ADGB: variants seen among roughly 807,000 people sequenced by gnomAD.
ADGB encodes androglobin.
A neutral mutation model predicts 210.5 loss-of-function variants in ADGB; 172 were observed. The ratio of observed to expected loss-of-function variants is 0.82; its 90% CI spans 0.72 to 0.93. The LOEUF is 0.93. Ranked by LOEUF, ADGB falls within the 40% of genes least tolerant of loss-of-function variation. The pLI, the probability that ADGB is intolerant of heterozygous loss-of-function variation, is 0.00. For synonymous variants in ADGB, 658 were observed against 662.7 expected (o/e 0.99, Z 0.11); for missense variants, 2,025 against 1,964.8 (o/e 1.03, Z -0.58).
At chr6:146,778,465 G>C (rs951224299) in intron 29 of ADGB, among the ~76,000 whole-genome samples, 1 of 152,058 alleles carries the variant, frequency 6.6e-6, no homozygotes, top group Non-Finnish European at 1.5e-5. Context: ...TCTGAGAAAA[G>C]TTTATTTTAA....
Position 146,728,576 on chromosome 6 carries a change from G to A in ADGB, c.2355G>A (p.Glu785=), listed in dbSNP as rs1218400566. ...EHVVLPNFEP[E]SCRFTEQSLL... is the part of the protein sequence containing the mutation. ...GCTGCCATGCTTTGTCTTCACAGGA[G>A]AGCTGCCGATTTACGGAACAGTCTC... Residue 785 remains glutamate (E), a splice_region_variant and synonymous_variant, in exon 20 of 36, where the codon GAG becomes GAA. Transcript: ENST00000397944. 1 of 1,551,016 alleles carries A rather than the reference G, an allele frequency of 6.4e-7. No individual in the cohort carries two copies. Among genetic ancestry groups the A allele is most frequent in the Admixed American group, 2.0e-5 (1 of 50,998 alleles).
intron 1 of ADGB, among the ~76,000 whole-genome samples, chr6:146,627,072 A>C (rs1315023812): frequency 2.0e-5 from 3 of 151,758 alleles, no homozygotes; most frequent in Non-Finnish European, 4.4e-5. Context: ...AAGGTATTTG[A>C]ATCTTTTTTT....
chr6:146,730,766 C>G (rs533328355), intron 20 of ADGB, among the ~76,000 whole-genome samples: 1 of 152,108 alleles, frequency 6.6e-6, no homozygotes. Flanking sequence ...TGGTGAAACT[C>G]CATCTCTACT....
intron 35 of ADGB, among the ~76,000 whole-genome samples, chr6:146,805,294 C>G (rs916113242): frequency 6.6e-6 from 1 of 152,168 alleles, no homozygotes; most frequent in African/African-American, 2.4e-5. Context: ...AGGAACCCAC[C>G]TTGGTGACAC....
chr6:146,636,369 AT>A (rs1281423823), intron 2 of ADGB, among the ~76,000 whole-genome samples: 1 of 152,044 alleles, frequency 6.6e-6, no homozygotes, highest in Non-Finnish European at 1.5e-5. Context: ...CATGATTCAT[AT>A]TGGTCAATTT....
At chr6:146,735,603 G>A (rs1777068247) in intron 22 of ADGB, among the ~76,000 whole-genome samples, 1 of 152,024 alleles carries the variant, frequency 6.6e-6, no homozygotes. Flanking sequence ...ATAAAGTTAG[G>A]GAAATATATT....
chr6:146,694,753 T>C (rs2114926391), intron 12 of ADGB, among the ~76,000 whole-genome samples: 1 of 152,280 alleles, frequency 6.6e-6, no homozygotes, highest in South Asian at 2.1e-4. Flanking sequence ...ATTATTAGGT[T>C]TCTAGATGTG....
intron 29 of ADGB, among the ~76,000 whole-genome samples, chr6:146,770,033 G>A (rs541122610): frequency 6.6e-6 from 1 of 152,254 alleles, no homozygotes; most frequent in South Asian, 2.1e-4. Flanking sequence ...GCAAGCCCCT[G>A]AAGAATGAGG....
chr6:146,637,645 A>C (rs1299070240), intron 2 of ADGB, among the ~76,000 whole-genome samples: 1 of 152,034 alleles, frequency 6.6e-6, no homozygotes, highest in African/African-American at 2.4e-5. Context: ...CAAATCCTGA[A>C]ACCCAGTGTT....
At chr6:146,735,064 A>G (rs557045828) in intron 22 of ADGB, among the ~76,000 whole-genome samples, 1 of 152,296 alleles carries the variant, frequency 6.6e-6, no homozygotes, top group Non-Finnish European at 1.5e-5. Context: ...TATTTAAAAC[A>G]TTTAATGATA....
intron 14 of ADGB, among the ~76,000 whole-genome samples, chr6:146,716,491 G>A (rs1324327682): frequency 1.4e-5 from 2 of 141,480 alleles, no homozygotes; most frequent in Non-Finnish European, 3.0e-5. Flanking sequence ...TACTCGGGAG[G>A]CTGAGGCAGG....
At chr6:146,632,195 C>A (rs576444709) in intron 1 of ADGB, among the ~76,000 whole-genome samples, 1 of 152,282 alleles carries the variant, frequency 6.6e-6, no homozygotes, top group South Asian at 2.1e-4. Context: ...GGGCTGCCTT[C>A]CTTTCTGTAG....
chr6:146,785,660 T>C lies in ADGB; in HGVS notation c.4263T>C (p.Ser1421=), dbSNP rs1474555214. 5.8e-6 allele frequency: 9 copies of C among 1,551,292 alleles called. No individual in the cohort carries two copies. In the South Asian group the frequency reaches 9.5e-5, roughly 16 times the overall value. ...HYLSGFIKKT[S]DAESPPISES... Reference sequence around the variant, plus strand: ...TTAGCGGGTTCATTAAGAAAACATCTGATGCTGAGAGTCCGCCTATATCTG... The same window carrying C: ...TTAGCGGGTTCATTAAGAAAACATCCGATGCTGAGAGTCCGCCTATATCTG... The change falls in exon 32 of 36, where the codon TCT becomes TCC. Residue 1421 remains serine (S), a synonymous_variant. Transcript: ENST00000397944.
At chr6:146,624,399 T>C (rs965809949) in intron 1 of ADGB, among the ~76,000 whole-genome samples, 18 of 151,882 alleles carry the variant, frequency 1.2e-4, no homozygotes, top group Non-Finnish European at 2.7e-4. Flanking sequence ...CCCTTTGATA[T>C]CTGTGGGATC....
At chr6:146,687,777 TAAAG>T (rs1776253010) in intron 10 of ADGB, among the ~76,000 whole-genome samples, 1 of 151,542 alleles carries the variant, frequency 6.6e-6, no homozygotes, top group East Asian at 1.9e-4. Context: ...TTAGAAGAAA[TAAAG>T]AAAATAAAAA....
rs1776305595 is a variant in ADGB, at chr6:146,691,407, G to GT, written c.1486+120dup. 4.3e-4 allele frequency: 58 copies of GT among 134,550 alleles called. 5 individuals carry two copies. Among genetic ancestry groups the GT allele is most frequent in the African/African-American group, 3.7e-3 (50 of 13,554 alleles). The allele number at this position is 134,550 out of a possible 1,614,324, so 8.3% of individuals were successfully genotyped here. A position where few individuals can be genotyped will look rare whatever the true frequency, so the allele number is the denominator to read the frequency against. On this transcript the variant is annotated intron_variant, in intron 11 of 35. Coordinates refer to ENST00000397944, the MANE Select transcript of ADGB (RefSeq NM_024694.4). Reference sequence around the variant, plus strand: ...ACCCAACATTGCTTCTAAAGCCTATGTTTAATATATATATATATATATATA... The same window carrying GT: ...ACCCAACATTGCTTCTAAAGCCTATGTTTTAATATATATATATATATATATA...
intron 13 of ADGB, among the ~76,000 whole-genome samples, chr6:146,709,967 A>G (rs1776636762): frequency 6.6e-6 from 1 of 152,128 alleles, no homozygotes; most frequent in African/African-American, 2.4e-5. Flanking sequence ...GGGCAAATAC[A>G]GGAAAGTCTT....
At chr6:146,611,778 A>G (rs746417581) in intron 1 of ADGB, among the ~76,000 whole-genome samples, 2 of 152,052 alleles carry the variant, frequency 1.3e-5, no homozygotes, top group African/African-American at 2.4e-5. Flanking sequence ...CTAGTCAGCC[A>G]TCTTGGGAAT....
At chr6:146,781,296 T>C (rs1777796510) in intron 29 of ADGB, among the ~76,000 whole-genome samples, 1 of 151,078 alleles carries the variant, frequency 6.6e-6, no homozygotes, top group Non-Finnish European at 1.5e-5. Flanking sequence ...TGAGCCAAGA[T>C]TGTGCCACTG....
Sources: gnomAD v4.1 joint callset for allele counts (sites outside exome capture counted in the v4.1 genomes callset) on GRCh38, gnomAD v4.1.1 for gene constraint, MANE v1.5 for transcripts, NCBI Gene and HGNC (gene_info 2026-07-23, HGNC 2026-07-21) for gene names.